The following INTS14 variants were observed in gnomAD, a reference collection of about 807,000 sequenced individuals.
INTS14 encodes UPF0464 protein C15orf44.
Under a neutral mutation model 56.9 loss-of-function variants are expected in INTS14, and 27 were observed. The observed-to-expected ratio is 0.47, with a 90% CI of 0.35 to 0.65. The LOEUF (loss-of-function observed/expected upper bound fraction) is 0.65, where lower values mean the gene tolerates loss of function less well. Ranked by LOEUF, INTS14 falls within the 30% of genes least tolerant of loss-of-function variation. INTS14 has a pLI of 0.00. For missense variants in INTS14, 517 were observed against 632.2 expected (o/e 0.82, Z 1.95); for synonymous variants, 207 against 236.2 (o/e 0.88, Z 1.13).
chr15:65,608,998 C>T (rs985456447), intron 1 of INTS14, among the ~76,000 whole-genome samples: 6 of 152,306 alleles, frequency 3.9e-5, no homozygotes, highest in East Asian at 3.9e-4. Context: ...CCCGGGTTCA[C>T]GCCATTCTCC....
At chr15:65,587,384 A>G (rs997241931) in intron 9 of INTS14, among the ~76,000 whole-genome samples, 4 of 152,104 alleles carry the variant, frequency 2.6e-5, no homozygotes, top group Admixed American at 2.0e-4. Flanking sequence ...TACCTGAAGA[A>G]TGTATTTTAC....
At position 65,579,957 on chromosome 15, in the gene INTS14, G is replaced by A. The variant is rs751315454; in HGVS notation, c.1306-298C>T. Among the ~76,000 whole-genome samples the A allele has an allele frequency of 4.1e-4, 62 of 152,084 alleles. 1 individual carries two copies. The highest frequency in any genetic ancestry group is 3.9e-4 in the East Asian group (2 of 5,190). On this transcript the variant is annotated intron_variant, in intron 11 of 11. Transcript: ENST00000313182. ...GTCAGCACTTTGCATCCATCATTTC[G>A]TTACTCCTAACTTTAAGGAGGAGTA...
chr15:65,582,063 TA>T lies in INTS14; in HGVS notation c.1240-45del, dbSNP rs774082157. The T allele has an allele frequency of 3.3e-6, 5 of 1,495,894 alleles. No individual in the cohort carries two copies. In the South Asian group the frequency reaches 3.6e-5, roughly 11 times the overall value. The allele number at this position is 1,495,894 out of a possible 1,614,324, so 92.7% of individuals were successfully genotyped here. On this transcript the variant is annotated intron_variant, in intron 10 of 11. Transcript: ENST00000313182. ...AAAATCCAACATTAGAATTCTGTGG[TA>T]AAAAAGGGAAATAATATAAAAGAAT...
At chr15:65,588,172 C>T (rs2141264052) in intron 9 of INTS14, among the ~76,000 whole-genome samples, 1 of 151,894 alleles carries the variant, frequency 6.6e-6, no homozygotes, top group South Asian at 2.1e-4. Context: ...ACCTGCAGTT[C>T]CAGCTACTGG....
At chr15:65,583,143 T>A (rs2072689105) in intron 10 of INTS14, among the ~76,000 whole-genome samples, 1 of 152,212 alleles carries the variant, frequency 6.6e-6, no homozygotes, top group Non-Finnish European at 1.5e-5. Flanking sequence ...CCTCAGTAAG[T>A]TAAAGAGAAT....
At position 65,579,618 on chromosome 15, in the gene INTS14, G is replaced by A; in HGVS notation, c.1347C>T (p.Phe449=). The stretch of plus-strand genomic sequence containing the variant: ...CAGCCACCCCTTTCAGCAGGTCCAG[G>A]AAACCAAAGGCTAGAGCGGCCTTTC... The part of the protein sequence containing the change: ...RLRKAALAFG[F]LDLLKGVADM... The change falls in exon 12 of 12, where the codon TTC becomes TTT. Residue 449 remains phenylalanine, a synonymous_variant. Transcript: ENST00000313182. 1.2e-5 allele frequency: 19 copies of A among 1,614,172 alleles called. No individual in the cohort carries two copies. Among genetic ancestry groups the A allele is most frequent in the Non-Finnish European group, 1.6e-5 (19 of 1,180,012 alleles).
Position 65,599,926 on chromosome 15 carries a change from C to G in INTS14, c.334G>C (p.Val112Leu). The change falls in exon 4 of 12, where the codon GTC (valine) becomes CTC (leucine). Residue 112 changes from valine (V) to leucine (L), a missense_variant. Physicochemically the swap from Val to Leu is conservative, Grantham distance 32. Transcript: ENST00000313182. ...EWGGAIPCQV[V>L]LVTDGCLGIG... The stretch of plus-strand genomic sequence containing the variant: ...CCAAGACAGCCGTCTGTCACCAGGA[C>G]AACCTGTTTGTAAAAAGAGAGAGAG... 6.2e-7 allele frequency: 1 copy of G among 1,610,520 alleles called. No homozygotes were observed. Among genetic ancestry groups the G allele is most frequent in the East Asian group, 2.2e-5 (1 of 44,836 alleles).
In INTS14 at chr15:65,579,228, C is replaced by A. The variant is rs2072484008; in HGVS notation, c.*180G>T. The A allele has an allele frequency of 8.4e-6, 7 of 836,714 alleles. No individual in the cohort carries two copies. In the East Asian group the frequency reaches 1.7e-4, roughly 20 times the overall value. 51.8% of individuals were successfully genotyped at this position (836,714 alleles called of 1,614,324 possible). On this transcript the variant is annotated 3_prime_UTR_variant, in exon 12 of 12. Transcript: ENST00000313182. The stretch of plus-strand genomic sequence containing the variant: ...TCCCAGGAAGTTAAAGCCCAACCAG[C>A]CAACCACCTTCACATCCTTCTCATA...
At chr15:65,582,310 A>G (rs912964728) in intron 10 of INTS14, among the ~76,000 whole-genome samples, 1 of 152,210 alleles carries the variant, frequency 6.6e-6, no homozygotes, top group Non-Finnish European at 1.5e-5. Flanking sequence ...AGACGATTCA[A>G]TGGGGAAAAA....
chr15:65,588,964 C>T (rs962721876), intron 9 of INTS14, among the ~76,000 whole-genome samples: 2 of 152,140 alleles, frequency 1.3e-5, no homozygotes, highest in African/African-American at 2.4e-5. Context: ...TTATTATCCA[C>T]ACTGAAAAGC....
chr15:65,595,133 A>C (rs1044999311), intron 7 of INTS14, among the ~76,000 whole-genome samples: 2 of 152,208 alleles, frequency 1.3e-5, no homozygotes, highest in African/African-American at 4.8e-5. Context: ...CCTGCTCTAT[A>C]CCCACCACAG....
chr15:65,588,669 A>G (rs2072916694), intron 9 of INTS14, among the ~76,000 whole-genome samples: 1 of 150,172 alleles, frequency 6.7e-6, no homozygotes, highest in Admixed American at 6.6e-5. Context: ...CTCTGTCTCA[A>G]TTAAAAAAAA....
At chr15:65,579,818 A>G (rs183094412) in intron 11 of INTS14, among the ~76,000 whole-genome samples, 159 bp from the exon 12 acceptor site, 8 of 152,304 alleles carry the variant, frequency 5.3e-5, no homozygotes. Flanking sequence ...CAAGAATGTG[A>G]TGGTTTTACT....
rs538049468 is a variant in INTS14 at position 65,578,762 on chromosome 15, T to C, written c.*646A>G. Reference sequence around the variant, plus strand: ...CAGACCAAAAGCAAACGACCTTTAGTTTCATAGTGAAACCATTTTCTAGAA... The same window carrying C: ...CAGACCAAAAGCAAACGACCTTTAGCTTCATAGTGAAACCATTTTCTAGAA... On this transcript the variant is annotated 3_prime_UTR_variant, in exon 12 of 12. Transcript: ENST00000313182. 6.6e-6 allele frequency: 1 copy of C among 152,184 alleles called. No individual in the cohort carries two copies. Among genetic ancestry groups the C allele is most frequent in the Non-Finnish European group, 1.5e-5 (1 of 68,046 alleles). 9.4% of individuals were successfully genotyped at this position (152,184 alleles called of 1,614,324 possible). A position where few individuals can be genotyped will look rare whatever the true frequency, so the allele number is the denominator to read the frequency against.
chr15:65,587,865 C>G (rs901437582), intron 9 of INTS14, among the ~76,000 whole-genome samples: 3 of 151,898 alleles, frequency 2.0e-5, no homozygotes, highest in African/African-American at 4.8e-5. Flanking sequence ...ACCCGTGGTC[C>G]CAGCCACATG....
In INTS14 at chr15:65,599,941, A is replaced by G; in HGVS notation, c.331-12T>C. The G allele has an allele frequency of 6.2e-7, 1 of 1,609,284 alleles. No homozygotes were observed. The highest frequency in any genetic ancestry group is 8.5e-7 in the Non-Finnish European group (1 of 1,177,852). On this transcript the variant is annotated splice_polypyrimidine_tract_variant and intron_variant, in intron 3 of 11. Coordinates refer to ENST00000313182, the MANE Select transcript of INTS14 (RefSeq NM_001394796.1). ...GTCACCAGGACAACCTGTTTGTAAAAAGAGAGAGAGGAGGTTGTACATTAA... is the reference window on the plus strand; with the variant it reads ...GTCACCAGGACAACCTGTTTGTAAAGAGAGAGAGAGGAGGTTGTACATTAA...
intron 3 of INTS14, among the ~76,000 whole-genome samples, chr15:65,603,731 C>T (rs1271302856): frequency 6.6e-6 from 1 of 152,164 alleles, no homozygotes; most frequent in Non-Finnish European, 1.5e-5. Flanking sequence ...AACCATGGCC[C>T]ACAGGCTAAA....
At chr15:65,589,451 C>T (rs912306090) in intron 9 of INTS14, among the ~76,000 whole-genome samples, 1 of 152,212 alleles carries the variant, frequency 6.6e-6, no homozygotes, top group South Asian at 2.1e-4. Flanking sequence ...AGCCACCACA[C>T]CTGGCTGAAT....
chr15:65,581,653 G>A (rs962695555), intron 11 of INTS14, among the ~76,000 whole-genome samples: 1 of 151,580 alleles, frequency 6.6e-6, no homozygotes, highest in Admixed American at 6.6e-5. Flanking sequence ...ACCCATATAG[G>A]AGTGATGAGG....
Sources: gnomAD v4.1 joint callset for allele counts (sites outside exome capture counted in the v4.1 genomes callset) on GRCh38, gnomAD v4.1.1 for gene constraint, MANE v1.5 for transcripts, NCBI Gene and HGNC (gene_info 2026-07-23, HGNC 2026-07-21) for gene names.